NDC80: variants seen among roughly 807,000 people sequenced by gnomAD.
NDC80 encodes the protein kinetochore protein NDC80 homolog.
Under a neutral mutation model 89.3 loss-of-function variants are expected in NDC80, and 69 were observed. That is an observed-to-expected ratio of 0.77 (90% CI 0.64 to 0.94). The LOEUF (loss-of-function observed/expected upper bound fraction) is 0.94, where lower values mean the gene tolerates loss of function less well. NDC80 is among the 40% of genes least tolerant of loss of function. The probability of loss-of-function intolerance (pLI) is 0.00; values close to 1 mark genes in which losing one functional copy is unlikely to be tolerated. For missense variants in NDC80, 593 were observed against 739.6 expected, an observed-to-expected ratio of 0.80 and a Z score of 2.30; for synonymous variants, 243 against 255.6, an observed-to-expected ratio of 0.95 and a Z score of 0.47.
At chr18:2,591,788 T>C (rs2072628791) in intron 10 of NDC80, among the ~76,000 whole-genome samples, 1 of 150,738 alleles carries the variant, frequency 6.6e-6, no homozygotes, top group Non-Finnish European at 1.5e-5. Flanking sequence ...GTAGTCTTGC[T>C]GTGTCACCCA....
At chr18:2,585,596 C>G (rs1000267845) in intron 7 of NDC80, among the ~76,000 whole-genome samples, 2 of 152,048 alleles carry the variant, frequency 1.3e-5, no homozygotes, top group Non-Finnish European at 2.9e-5. Flanking sequence ...AATCTGAAGT[C>G]AAACCATCGT....
chr18:2,602,309 A>C (rs1323205025), intron 13 of NDC80, among the ~76,000 whole-genome samples: 4 of 152,204 alleles, frequency 2.6e-5, no homozygotes, highest in Non-Finnish European at 2.9e-5. Context: ...TCCAATATTA[A>C]TAAATTCTAT....
At chr18:2,614,483 GGA>G (rs2072764272) in intron 16 of NDC80, 2 of 2,536 alleles carry the variant, frequency 7.9e-4, no homozygotes, top group African/African-American at 2.6e-3. Flanking sequence ...AAGAAAGAAA[GGA>G]AGGAAGGAAG....
intron 3 of NDC80, chr18:2,577,364 G>A: frequency 5.9e-6 from 1 of 169,086 alleles, no homozygotes; most frequent in South Asian, 1.4e-4. Context: ...ACAGGTGCCT[G>A]CCAACACGTC....
At chr18:2,593,047 TGTGTGTGTC>T (rs1488333601) in intron 10 of NDC80, among the ~76,000 whole-genome samples, 77 of 121,160 alleles carry the variant, frequency 6.4e-4, no homozygotes, top group African/African-American at 2.2e-3. Flanking sequence ...TGTGTGTGTG[TGTGTGTGTC>T]TTTTTTTTTT....
intron 3 of NDC80, among the ~76,000 whole-genome samples, chr18:2,576,349 A>C (rs2072546497): frequency 6.6e-6 from 1 of 152,230 alleles, no homozygotes; most frequent in East Asian, 1.9e-4. Context: ...AAATAAAACA[A>C]TTTCAGTAAG....
At chr18:2,610,946 T>A (rs2072740831) in intron 16 of NDC80, 85 bp downstream of exon 16, 1 of 846,788 alleles carries the variant, frequency 1.2e-6, no homozygotes, top group Non-Finnish European at 1.7e-6. Flanking sequence ...ATAAATTAAA[T>A]GATGAATTTT....
chr18:2,583,021 C>G (rs1373191114), intron 6 of NDC80: 1 of 152,214 alleles, frequency 6.6e-6, no homozygotes, highest in African/African-American at 2.4e-5. Flanking sequence ...TCAAAGTGGA[C>G]TTGGACCTGA....
intron 8 of NDC80, 59 bp downstream of exon 8, chr18:2,587,982 G>C: frequency 2.2e-6 from 3 of 1,358,890 alleles, no homozygotes; most frequent in Non-Finnish European, 3.1e-6. Context: ...CTCATGGAGT[G>C]GTAATTTATT....
intron 15 of NDC80, among the ~76,000 whole-genome samples, chr18:2,610,259 CAAAT>C (rs2072735782): frequency 6.6e-6 from 1 of 152,292 alleles, no homozygotes; most frequent in African/African-American, 2.4e-5. Context: ...AAGTTGCCCT[CAAAT>C]AACTGAAAAA....
At chr18:2,592,835 G>C (rs1308367287) in intron 10 of NDC80, among the ~76,000 whole-genome samples, 1 of 152,016 alleles carries the variant, frequency 6.6e-6, no homozygotes, top group Admixed American at 6.5e-5. Flanking sequence ...TGACTCTCTT[G>C]ACCCCTTAGT....
chr18:2,613,487 A>G (rs1447953481), intron 16 of NDC80, among the ~76,000 whole-genome samples: 1 of 152,230 alleles, frequency 6.6e-6, no homozygotes, highest in East Asian at 1.9e-4. Flanking sequence ...GAGCATAGAC[A>G]TGAAATATAT....
chr18:2,587,414 C>T (rs921919290), intron 7 of NDC80, among the ~76,000 whole-genome samples: 9 of 152,054 alleles, frequency 5.9e-5, no homozygotes, highest in African/African-American at 2.2e-4. Context: ...ACAATTAGAC[C>T]TTATCAATTC....
chr18:2,575,023 A>G lies in NDC80; in HGVS notation c.136A>G (p.Asn46Asp). 1 of 1,612,384 alleles carries G rather than the reference A, an allele frequency of 6.2e-7. No homozygotes were observed. The highest frequency in any genetic ancestry group is 1.1e-5 in the South Asian group (1 of 90,792). The change falls in exon 3 of 17, where the codon AAC becomes GAC. Residue 46 changes from asparagine (N) to aspartate (D), a missense_variant. Coordinates refer to ENST00000261597, the MANE Select transcript of NDC80 (RefSeq NM_006101.3). The part of the protein sequence containing the change: ...EKPTFGKLSI[N>D]KPTSERKVSL... ...ACCAACCTTTGGAAAGTTGAGTATA[A>G]ACAAACCGACATCTGAAAGAAAAGT... is the stretch of plus-strand genomic sequence containing the variant.
intron 12 of NDC80, 128 bp downstream of exon 12, chr18:2,599,299 T>G: frequency 2.9e-6 from 2 of 692,046 alleles, no homozygotes; most frequent in Non-Finnish European, 4.3e-6. Context: ...GTATCTTCTT[T>G]CTTCTCGGTC....
intron 13 of NDC80, among the ~76,000 whole-genome samples, chr18:2,605,733 C>T (rs568707788): frequency 6.6e-6 from 1 of 151,876 alleles, no homozygotes; most frequent in African/African-American, 2.4e-5. Flanking sequence ...AAAAAAAAGT[C>T]AGCTATTTAT....
chr18:2,606,397 A>C lies in NDC80; in HGVS notation c.1465-18A>C. On this transcript the variant is annotated intron_variant, in intron 13 of 16. Transcript: ENST00000261597. Reference sequence around the variant, plus strand: ...GATGTATAGTTATGATTTCTCAACCAAAGTTTTATTTCCCCAGTTGAATGC... The same window carrying C: ...GATGTATAGTTATGATTTCTCAACCCAAGTTTTATTTCCCCAGTTGAATGC... 6.4e-7 allele frequency: 1 copy of C among 1,559,606 alleles called. No individual in the cohort carries two copies. The highest frequency in any genetic ancestry group is 8.7e-7 in the Non-Finnish European group (1 of 1,147,442).
chr18:2,601,452 TA>T lies in NDC80; in HGVS notation c.1438del (p.Met480TrpfsTer7). 16 of 1,520,154 alleles carry T rather than the reference TA, an allele frequency of 1.1e-5. No individual in the cohort carries two copies. Among genetic ancestry groups the T allele is most frequent in the South Asian group, 2.5e-5 (2 of 79,878 alleles). 94.2% of individuals were successfully genotyped at this position (1,520,154 alleles called of 1,614,324 possible). On this transcript the variant is annotated frameshift_variant, in exon 13 of 17. Coordinates refer to ENST00000261597, the MANE Select transcript of NDC80 (RefSeq NM_006101.3). LOFTEE classifies it high-confidence loss of function. ...TEEEINKALN[K>X]KMGLEDTLEQ... ...AAGAAGAAATTAATAAAGCCCTAAA[TA>T]AAAAAATGGGTTTGGAGGATACTTT... is the stretch of plus-strand genomic sequence containing the variant.
intron 11 of NDC80, 22 bp downstream of exon 11, chr18:2,595,643 G>C (rs1192691432): frequency 6.2e-7 from 1 of 1,605,262 alleles, no homozygotes; most frequent in African/African-American, 1.3e-5. Context: ...CATTTCCAGA[G>C]TGGCAACTCA....
Sources: allele counts gnomAD v4.1 joint callset (sites outside exome capture counted in the v4.1 genomes callset), GRCh38; gene constraint gnomAD v4.1.1; transcripts MANE v1.5; gene names NCBI Gene and HGNC (gene_info 2026-07-23, HGNC 2026-07-21).